Variants in JADE3 observed in about 807,000 individuals in gnomAD.
JADE3 encodes the protein protein Jade-3.
A neutral mutation model predicts 50.1 loss-of-function variants in JADE3; 2 were observed. The observed-to-expected ratio is 0.04, with a 90% CI of 0.02 to 0.13. JADE3 has a LOEUF of 0.13. JADE3 is among the 10% of genes least tolerant of loss of function. The probability of loss-of-function intolerance (pLI) is 1.00; values close to 1 mark genes in which losing one functional copy is unlikely to be tolerated. For missense variants in JADE3, 475 were observed against 634.4 expected, an observed-to-expected ratio of 0.75 and a Z score of 2.70; for synonymous variants, 218 against 232.9, an observed-to-expected ratio of 0.94 and a Z score of 0.58.
chrX:46,937,838 G>A (rs1926666165), intron 1 of JADE3, among the ~76,000 whole-genome samples: 1 of 110,430 alleles, frequency 9.1e-6, no homozygotes, highest in African/African-American at 3.3e-5. Flanking sequence ...AAAAGTAGCC[G>A]GGCATGGTGG....
intron 3 of JADE3, among the ~76,000 whole-genome samples, chrX:46,993,604 GA>G (rs1928062294): frequency 8.9e-6 from 1 of 112,073 alleles, no homozygotes; most frequent in African/African-American, 3.2e-5. Flanking sequence ...TATGGTAATT[GA>G]TGTTGCAGTT....
At chrX:46,937,027 A>G (rs73630245) in intron 1 of JADE3, among the ~76,000 whole-genome samples, 2,356 of 111,381 alleles carry the variant, frequency 0.021, 51 homozygotes, top group African/African-American at 0.072. Context: ...GTAAAAGTGT[A>G]GGTTGTTTTT....
At chrX:47,039,144 G>T in intron 8 of JADE3, 79 bp downstream of exon 8, 1 of 508,209 alleles carries the variant, frequency 2.0e-6, no homozygotes, top group South Asian at 3.2e-5. Flanking sequence ...GTGTCCTGTC[G>T]ACTGAAAGGT....
intron 1 of JADE3, among the ~76,000 whole-genome samples, chrX:46,947,441 G>A (rs1305438885): frequency 8.9e-6 from 1 of 111,732 alleles, no homozygotes; most frequent in African/African-American, 3.3e-5. Flanking sequence ...TGTAACTTTC[G>A]TTTTTGTACT....
chrX:46,992,583 TTTG>T (rs1419726130), intron 3 of JADE3, among the ~76,000 whole-genome samples: 2 of 111,382 alleles, frequency 1.8e-5, no homozygotes, highest in Non-Finnish European at 3.8e-5. Flanking sequence ...TTCATGAAAA[TTTG>T]TTAATTTGCT....
intron 1 of JADE3, among the ~76,000 whole-genome samples, chrX:46,965,564 T>G (rs1927349171): frequency 9.0e-6 from 1 of 110,880 alleles, no homozygotes; most frequent in African/African-American, 3.3e-5. Flanking sequence ...TGTGGGTGAG[T>G]CATAGTAGGG....
chrX:46,912,986 C>A (rs1382844159), intron 1 of JADE3: 1 of 111,981 alleles, frequency 8.9e-6, no homozygotes, highest in African/African-American at 3.2e-5. Flanking sequence ...GTGGCCCGGG[C>A]GGGGGGCGGG....
rs782789201 is a variant in JADE3 at position 47,060,244 on chromosome X, G to A, written c.*1167G>A. The A allele has an allele frequency of 3.9e-5, 4 of 102,325 alleles. No individual in the cohort carries two copies. The highest frequency in any genetic ancestry group is 5.4e-4 in the South Asian group (1 of 1,835). 8.4% of individuals were successfully genotyped at this position (102,325 alleles called of 1,213,427 possible). A position where few individuals can be genotyped will look rare whatever the true frequency, so the allele number is the denominator to read the frequency against. On this transcript the variant is annotated 3_prime_UTR_variant, in exon 11 of 11. Coordinates refer to ENST00000614628, the MANE Select transcript of JADE3 (RefSeq NM_014735.5). ...AGAGAATAATTACATTTGCGGGGGG[G>A]GGGGTGGATAAAAACATGTCTGCTT...
intron 1 of JADE3, among the ~76,000 whole-genome samples, chrX:46,949,540 G>A (rs976497484): frequency 8.9e-6 from 1 of 111,802 alleles, no homozygotes; most frequent in Admixed American, 9.5e-5. Flanking sequence ...TAGCCATTTT[G>A]ATGAGTAGTA....
intron 4 of JADE3, among the ~76,000 whole-genome samples, chrX:47,023,994 G>A (rs1320178902): frequency 8.9e-6 from 1 of 112,690 alleles, no homozygotes; most frequent in African/African-American, 3.2e-5. Flanking sequence ...GCCTCTGTGA[G>A]ACTAAAGCTT....
intron 6 of JADE3, 52 bp from the exon 7 acceptor site, chrX:47,033,569 A>T: frequency 5.7e-6 from 6 of 1,057,903 alleles, no homozygotes; most frequent in Non-Finnish European, 7.8e-6. Context: ...ACAGATACCA[A>T]CCCTGGTGAG....
intron 1 of JADE3, among the ~76,000 whole-genome samples, chrX:46,926,126 C>A (rs887033081): frequency 2.8e-5 from 3 of 109,061 alleles, no homozygotes; most frequent in Non-Finnish European, 5.7e-5. Flanking sequence ...AACTCCTGGG[C>A]TCAAGCAATC....
chrX:47,008,806 G>A (rs1025544379), intron 4 of JADE3, among the ~76,000 whole-genome samples: 6 of 110,915 alleles, frequency 5.4e-5, no homozygotes, highest in Non-Finnish European at 1.1e-4. Flanking sequence ...AACTTTTGGG[G>A]GTGATGGACA....
At chrX:46,998,422 G>T in intron 4 of JADE3, 145 bp downstream of exon 4, 1 of 473,530 alleles carries the variant, frequency 2.1e-6, no homozygotes, top group Admixed American at 3.7e-5. Context: ...ACCAGTGGCA[G>T]ATTTTACCAG....
chrX:46,919,567 C>T (rs370326401), intron 1 of JADE3, among the ~76,000 whole-genome samples: 3 of 111,906 alleles, frequency 2.7e-5, no homozygotes, highest in Admixed American at 9.5e-5. Context: ...CCAGGAATTA[C>T]CAATTTGGGG....
At chrX:47,037,557 G>A (rs1189817158) in intron 7 of JADE3, among the ~76,000 whole-genome samples, 1 of 112,200 alleles carries the variant, frequency 8.9e-6, no homozygotes, top group Non-Finnish European at 1.9e-5. Context: ...GGCCAAGGCA[G>A]GAGGATCACT....
intron 1 of JADE3, among the ~76,000 whole-genome samples, chrX:46,943,366 A>AT (rs1294910699): frequency 1.3e-4 from 14 of 110,561 alleles, no homozygotes; most frequent in South Asian, 3.7e-4. Flanking sequence ...ATTTTGAGGT[A>AT]TTTTTTTTGA....
chrX:46,912,877 C>T (rs1424825826), intron 1 of JADE3, 158 bp downstream of exon 1: 1 of 112,217 alleles, frequency 8.9e-6, no homozygotes, highest in African/African-American at 3.2e-5. Context: ...GGTTCCACAT[C>T]GTGGTCGCCT....
intron 3 of JADE3, among the ~76,000 whole-genome samples, chrX:46,990,355 ACT>A (rs1314250757): frequency 3.6e-5 from 4 of 111,197 alleles, no homozygotes; most frequent in Middle Eastern, 4.6e-3. Flanking sequence ...AGGGGTCCTG[ACT>A]CTCTACTACC....
Sources: gnomAD v4.1 joint callset for allele counts (sites outside exome capture counted in the v4.1 genomes callset) on GRCh38, gnomAD v4.1.1 for gene constraint, MANE v1.5 for transcripts, NCBI Gene and HGNC (gene_info 2026-07-23, HGNC 2026-07-21) for gene names.